The following CDK14 variants were observed in gnomAD, a reference collection of about 807,000 sequenced individuals.
CDK14 encodes cyclin-dependent kinase 14.
CDK14 carries 34 observed loss-of-function variants against 60.7 expected under a neutral mutation model. The ratio of observed to expected loss-of-function variants is 0.56; its 90% confidence interval spans 0.43 to 0.75. The LOEUF is 0.75. Ranked by LOEUF, CDK14 falls within the 30% of genes least tolerant of loss-of-function variation. The pLI, the probability that CDK14 is intolerant of heterozygous loss-of-function variation, is 0.00. For missense variants in CDK14, 482 were observed against 564.1 expected (o/e 0.85, Z 1.47); for synonymous variants, 197 against 203.7 (o/e 0.97, Z 0.28).
chr7:90,754,751 C>T (rs1213226142), intron 4 of CDK14, among the ~76,000 whole-genome samples: 1 of 152,062 alleles, frequency 6.6e-6, no homozygotes, highest in Non-Finnish European at 1.5e-5. Context: ...CTCTGAGGAA[C>T]TTACACAATT....
At chr7:90,864,013 G>A (rs1456170878) in intron 6 of CDK14, among the ~76,000 whole-genome samples, 2 of 151,872 alleles carry the variant, frequency 1.3e-5, no homozygotes, top group African/African-American at 4.8e-5. Context: ...AGACACAAAT[G>A]ACATCGGTGC....
chr7:90,808,314 C>T (rs1349203772), intron 5 of CDK14, among the ~76,000 whole-genome samples: 1 of 152,198 alleles, frequency 6.6e-6, no homozygotes, highest in African/African-American at 2.4e-5. Flanking sequence ...CAATATTCAA[C>T]ATTCTTAAAG....
At chr7:90,783,300 T>C (rs1805423293) in intron 4 of CDK14, among the ~76,000 whole-genome samples, 1 of 152,220 alleles carries the variant, frequency 6.6e-6, no homozygotes, top group Non-Finnish European at 1.5e-5. Flanking sequence ...ACTATTGTTT[T>C]ATTAATCTTT....
intron 2 of CDK14, among the ~76,000 whole-genome samples, chr7:90,605,738 TTCTC>T (rs1799403713): frequency 6.6e-6 from 1 of 152,248 alleles, no homozygotes; most frequent in Admixed American, 6.5e-5. Context: ...TCTTGCTTCT[TTCTC>T]CGTGTTTTAA....
chr7:90,927,034 C>T (rs1041202614), intron 8 of CDK14, among the ~76,000 whole-genome samples: 2 of 152,174 alleles, frequency 1.3e-5, no homozygotes, highest in Non-Finnish European at 2.9e-5. Flanking sequence ...TCCAGGCATT[C>T]TCCAGGGGCA....
At chr7:90,919,506 T>G (rs1024184877) in intron 8 of CDK14, among the ~76,000 whole-genome samples, 1 of 152,168 alleles carries the variant, frequency 6.6e-6, no homozygotes, top group Non-Finnish European at 1.5e-5. Context: ...TTTAGAAAAT[T>G]AGAAAATGTA....
At chr7:91,175,129 C>A (rs1436041872) in intron 14 of CDK14, among the ~76,000 whole-genome samples, 1 of 148,962 alleles carries the variant, frequency 6.7e-6, no homozygotes, top group Non-Finnish European at 1.5e-5. Flanking sequence ...CCCTACAAGC[C>A]AGAAGAGAGT....
intron 5 of CDK14, among the ~76,000 whole-genome samples, chr7:90,814,293 G>A (rs997509003): frequency 5.3e-5 from 8 of 152,104 alleles, no homozygotes; most frequent in Admixed American, 1.3e-4. Flanking sequence ...TCTTACAGTC[G>A]GAAGGAAAGT....
chr7:91,172,878 A>T (rs937532985), intron 14 of CDK14, among the ~76,000 whole-genome samples: 9 of 152,136 alleles, frequency 5.9e-5, no homozygotes, highest in Admixed American at 6.6e-5. Context: ...TATTAATTAT[A>T]TGTCTCCCCC....
At chr7:90,627,287 G>A (rs940866763) in intron 2 of CDK14, among the ~76,000 whole-genome samples, 1 of 151,676 alleles carries the variant, frequency 6.6e-6, no homozygotes, top group Admixed American at 6.6e-5. Context: ...ATGGCTCACT[G>A]TAGTGTCACC....
At chr7:90,785,781 C>A (rs920736503) in intron 4 of CDK14, among the ~76,000 whole-genome samples, 2 of 100,384 alleles carry the variant, frequency 2.0e-5, no homozygotes, top group Non-Finnish European at 3.9e-5. Context: ...AGTGAGACTC[C>A]GTCTCAAAAA....
At chr7:90,652,264 T>C (rs1021067739) in intron 2 of CDK14, among the ~76,000 whole-genome samples, 5 of 152,192 alleles carry the variant, frequency 3.3e-5, no homozygotes, top group Non-Finnish European at 7.4e-5. Context: ...ATTACTTGAA[T>C]TTTACATAAG....
At chr7:91,114,787 A>G (rs1376096592) in intron 13 of CDK14, among the ~76,000 whole-genome samples, 1 of 152,184 alleles carries the variant, frequency 6.6e-6, no homozygotes, top group Non-Finnish European at 1.5e-5. Flanking sequence ...AGAAAGGACA[A>G]TCCCAGTATT....
At chr7:90,858,957 G>A (rs764757619) in intron 5 of CDK14, among the ~76,000 whole-genome samples, 9 of 152,180 alleles carry the variant, frequency 5.9e-5, no homozygotes, top group Non-Finnish European at 1.0e-4. Context: ...TTAATGTGCT[G>A]TGATTTTACT....
intron 4 of CDK14, among the ~76,000 whole-genome samples, chr7:90,784,284 A>T (rs1379590504): frequency 1.3e-5 from 2 of 152,150 alleles, no homozygotes; most frequent in Non-Finnish European, 2.9e-5. Flanking sequence ...GGAGAGATGG[A>T]GGATAAAGAG....
chr7:91,106,257 A>G (rs932155491), intron 12 of CDK14, among the ~76,000 whole-genome samples: 33 of 152,316 alleles, frequency 2.2e-4, no homozygotes, highest in African/African-American at 7.9e-4. Flanking sequence ...AGAGGCAGAA[A>G]CAACAGAAGC....
intron 1 of CDK14, chr7:90,597,335 C>T (rs1799215536): frequency 1.3e-5 from 2 of 152,504 alleles, no homozygotes; most frequent in African/African-American, 4.8e-5. Context: ...GTCTCTCGAA[C>T]TTGTTCCATT....
At chr7:90,799,931 G>A (rs1788575515) in intron 5 of CDK14, among the ~76,000 whole-genome samples, 1 of 152,032 alleles carries the variant, frequency 6.6e-6, no homozygotes, top group South Asian at 2.1e-4. Context: ...TTTCAATAAA[G>A]AAAGGAAGGC....
At chr7:90,874,775 G>T (rs972236045) in intron 6 of CDK14, among the ~76,000 whole-genome samples, 3 of 150,844 alleles carry the variant, frequency 2.0e-5, no homozygotes, top group African/African-American at 2.4e-5. Flanking sequence ...TGATCCATCC[G>T]CCTCGGCCTC....
Sources: gnomAD v4.1 joint callset for allele counts (sites outside exome capture counted in the v4.1 genomes callset) on GRCh38, gnomAD v4.1.1 for gene constraint, MANE v1.5 for transcripts, NCBI Gene and HGNC (gene_info 2026-07-23, HGNC 2026-07-21) for gene names.